ASAP2: variants seen among roughly 807,000 people sequenced by gnomAD.
ASAP2 encodes the protein ArfGAP with SH3 domain, ankyrin repeat and PH domain 2.
A neutral mutation model predicts 131.4 loss-of-function variants in ASAP2; 45 were observed. The observed-to-expected ratio is 0.34, with a 90% CI of 0.27 to 0.44. ASAP2 has a LOEUF of 0.44. Among genes scored for constraint, ASAP2 ranks in the 20% least tolerant of loss-of-function variants. The pLI is 1.00. For missense variants in ASAP2, 1,011 were observed against 1,297.0 expected (o/e 0.78, Z 3.39); for synonymous variants, 510 against 503.0 (o/e 1.01, Z -0.19).
At chr2:9,269,028 A>C (rs1285352125) in intron 1 of ASAP2, among the ~76,000 whole-genome samples, 3 of 152,106 alleles carry the variant, frequency 2.0e-5, no homozygotes, top group African/African-American at 7.2e-5. Context: ...GGCATTTTGC[A>C]TGGATCCTTG....
chr2:9,347,391 C>T (rs1381754637), intron 11 of ASAP2, among the ~76,000 whole-genome samples: 1 of 152,134 alleles, frequency 6.6e-6, no homozygotes, highest in Non-Finnish European at 1.5e-5. Context: ...GTGCAGCTCA[C>T]CTGTTTGGCC....
chr2:9,208,997 C>T (rs1446046141), intron 1 of ASAP2, among the ~76,000 whole-genome samples: 2 of 140,772 alleles, frequency 1.4e-5, no homozygotes, highest in African/African-American at 2.6e-5. Flanking sequence ...TTAAAATTGG[C>T]ATACCTTTCT....
chr2:9,363,017 T>C (rs765922239), intron 15 of ASAP2, among the ~76,000 whole-genome samples: 3 of 152,204 alleles, frequency 2.0e-5, no homozygotes, highest in African/African-American at 4.8e-5. Flanking sequence ...TTCAGCTTTT[T>C]TAGATTTTGC....
chr2:9,214,800 T>G (rs1354255409), intron 1 of ASAP2, among the ~76,000 whole-genome samples: 5 of 141,442 alleles, frequency 3.5e-5, no homozygotes, highest in East Asian at 4.0e-4. Context: ...AAAAAAAAAG[T>G]GAACAGGACT....
intron 11 of ASAP2, among the ~76,000 whole-genome samples, chr2:9,346,022 C>T (rs1010684830): frequency 2.0e-5 from 3 of 152,006 alleles, no homozygotes; most frequent in African/African-American, 7.3e-5. Context: ...TGTCTCTGAA[C>T]TTGGAAATGA....
rs112061025 is a variant in ASAP2, at chr2:9,230,538, A to G, written c.126+23308A>G. Reference sequence around the variant, plus strand: ...ACTGCAAGCTGCTTTCCCTGGGCAGACTCAGCCTCCTGCAGGAGGGGTGTG... The same window carrying G: ...ACTGCAAGCTGCTTTCCCTGGGCAGGCTCAGCCTCCTGCAGGAGGGGTGTG... On this transcript the variant is annotated intron_variant, in intron 1 of 27. Transcript: ENST00000281419. 3.8e-3 allele frequency among the ~76,000 whole-genome samples: 583 copies of G among 152,244 alleles called. 6 individuals are homozygous for G. Among genetic ancestry groups the G allele is most frequent in the African/African-American group, 0.013 (550 of 41,546 alleles).
intron 1 of ASAP2, among the ~76,000 whole-genome samples, chr2:9,244,028 G>A (rs1473577701): frequency 1.3e-5 from 2 of 152,118 alleles, no homozygotes; most frequent in African/African-American, 4.8e-5. Context: ...AGCTGGGCAC[G>A]TTGGCTCATA....
At chr2:9,252,673 A>C (rs1664796231) in intron 1 of ASAP2, among the ~76,000 whole-genome samples, 1 of 151,958 alleles carries the variant, frequency 6.6e-6, no homozygotes, top group African/African-American at 2.4e-5. Flanking sequence ...CCCAGCACTT[A>C]GGGAGGTTGA....
At position 9,374,845 on chromosome 2, in the gene ASAP2, T is replaced by C; in HGVS notation, c.1647T>C (p.Ser549=). 6.2e-7 allele frequency: 1 copy of C among 1,614,038 alleles called. No homozygotes were observed. Among genetic ancestry groups the C allele is most frequent in the Non-Finnish European group, 8.5e-7 (1 of 1,179,994 alleles). The part of the protein sequence containing the change: ...KHADNAAKLH[S]LCEAVKTRDI... ...CGGATAACGCGGCGAAGCTTCACAGTCTTTGCGAGGCCGTCAAAACGAGAG... is the reference window on the plus strand; with the variant it reads ...CGGATAACGCGGCGAAGCTTCACAGCCTTTGCGAGGCCGTCAAAACGAGAG... The change falls in exon 17 of 28, where the codon AGT becomes AGC. Residue 549 remains serine (S), a synonymous_variant. Coordinates refer to ENST00000281419, the MANE Select transcript of ASAP2 (RefSeq NM_003887.3).
intron 20 of ASAP2, 117 bp downstream of exon 20, chr2:9,380,925 C>T (rs1442981696): frequency 1.8e-6 from 2 of 1,124,132 alleles, no homozygotes; most frequent in African/African-American, 3.1e-5. Context: ...CTCAGTGTTT[C>T]TGATGGGATG....
chr2:9,345,586 G>A (rs778985384), intron 11 of ASAP2, among the ~76,000 whole-genome samples: 4 of 152,094 alleles, frequency 2.6e-5, no homozygotes, highest in Non-Finnish European at 4.4e-5. Flanking sequence ...TCTCAAGGCC[G>A]AGGTCGTTGC....
chr2:9,350,497 T>TG, intron 11 of ASAP2: 1 of 252,270 alleles, frequency 4.0e-6, no homozygotes, highest in Non-Finnish European at 7.6e-6. Flanking sequence ...GGCTTAGCCA[T>TG]GCAATATCTT....
intron 1 of ASAP2, among the ~76,000 whole-genome samples, chr2:9,256,401 G>A (rs545061302): frequency 6.5e-4 from 68 of 104,108 alleles, no homozygotes; most frequent in South Asian, 5.4e-3. Flanking sequence ...AGAAATTAGC[G>A]TTTAACATGC....
intron 1 of ASAP2, among the ~76,000 whole-genome samples, chr2:9,255,280 G>A (rs1055532859): frequency 1.3e-5 from 2 of 152,206 alleles, no homozygotes; most frequent in Non-Finnish European, 2.9e-5. Context: ...ATTCTAATGA[G>A]TATTGAATGT....
intron 1 of ASAP2, among the ~76,000 whole-genome samples, chr2:9,225,719 G>C (rs976811044): frequency 6.6e-6 from 1 of 152,270 alleles, no homozygotes; most frequent in East Asian, 1.9e-4. Context: ...GAAAGGTTAG[G>C]GGCAGGGAGA....
At chr2:9,213,946 TG>T (rs1356706547) in intron 1 of ASAP2, among the ~76,000 whole-genome samples, 1 of 152,154 alleles carries the variant, frequency 6.6e-6, no homozygotes, top group Non-Finnish European at 1.5e-5. Flanking sequence ...CTGCATAGAC[TG>T]GGGCCCAGGG....
chr2:9,353,881 G>T (rs368297520), intron 12 of ASAP2, among the ~76,000 whole-genome samples: 3 of 151,736 alleles, frequency 2.0e-5, no homozygotes, highest in Non-Finnish European at 3.0e-5. Flanking sequence ...AGGCTGAGGT[G>T]GGGGGATCAC....
At chr2:9,376,410 G>T (rs1674399270) in intron 17 of ASAP2, among the ~76,000 whole-genome samples, 1 of 152,256 alleles carries the variant, frequency 6.6e-6, no homozygotes, top group Non-Finnish European at 1.5e-5. Flanking sequence ...CAGTGGAGTT[G>T]GGGAATCCCC....
chr2:9,398,618 G>C (rs969542991), intron 24 of ASAP2, among the ~76,000 whole-genome samples: 9 of 152,014 alleles, frequency 5.9e-5, no homozygotes, highest in African/African-American at 2.2e-4. Flanking sequence ...GACCAGCCTG[G>C]CCCACATGGT....
Sources: allele counts gnomAD v4.1 joint callset (sites outside exome capture counted in the v4.1 genomes callset), GRCh38; gene constraint gnomAD v4.1.1; transcripts MANE v1.5; gene names NCBI Gene and HGNC (gene_info 2026-07-23, HGNC 2026-07-21).